The following INTS2 variants were observed in gnomAD, a reference collection of about 807,000 sequenced individuals.
The protein encoded by INTS2 is integrator complex subunit 2, also known as KIAA1287.
Under a neutral mutation model 139.6 loss-of-function variants are expected in INTS2, and 57 were observed. That is an observed-to-expected ratio of 0.41 (90% CI 0.33 to 0.51). The LOEUF (loss-of-function observed/expected upper bound fraction) is 0.51. Among genes scored for constraint, INTS2 ranks in the 20% least tolerant of loss-of-function variants. The pLI, the probability that INTS2 is intolerant of heterozygous loss-of-function variation, is 0.28. For missense variants in INTS2, 1,196 were observed against 1,436.7 expected (o/e 0.83, Z 2.71); for synonymous variants, 473 against 493.4 (o/e 0.96, Z 0.55).
chr17:61,911,800 C>T lies in INTS2; in HGVS notation c.781-107G>A. On this transcript the variant is annotated intron_variant, in intron 6 of 24. Transcript: ENST00000251334. ...GTTTAGAGGAAGAACTCCTACAAAA[C>T]ATAAAAACCCAGAGAGGAAGGTAAC... 1.4e-6 allele frequency: 2 copies of T among 1,425,828 alleles called. 1 individual carries two copies. The highest frequency in any genetic ancestry group is 2.7e-5 in the South Asian group (2 of 73,046). 88.3% of individuals were successfully genotyped at this position (1,425,828 alleles called of 1,614,324 possible).
intron 12 of INTS2, chr17:61,894,308 G>A (rs1467953426): frequency 1.3e-5 from 2 of 153,004 alleles, no homozygotes; most frequent in African/African-American, 2.4e-5. Flanking sequence ...AACATCATAT[G>A]AACTATAAAG....
chr17:61,884,900 C>T lies in INTS2; in HGVS notation c.2089+1G>A, dbSNP rs2079211606. 6.3e-7 allele frequency: 1 copy of T among 1,583,098 alleles called. No individual in the cohort carries two copies. ...GCAGTAAAAAGCAAAATAAAACATA[C>T]CTCCCAACTCCTGCTGCAGCCCTTG... On this transcript the variant is annotated splice_donor_variant, in intron 16 of 24. Transcript: ENST00000251334. LOFTEE classifies it high-confidence loss of function.
At position 61,885,957 on chromosome 17, in the gene INTS2, T is replaced by C. The variant is rs557029807; in HGVS notation, c.1985-952A>G. Among the ~76,000 whole-genome samples, 20 of 150,268 alleles carry C rather than the reference T, an allele frequency of 1.3e-4. No individual in the cohort carries two copies. The South Asian group carries it at 4.2e-3, about 32-fold the overall frequency. ...GTTAGCCAGGATGGTCTCGATCTCCTGACCTCATGATCCACCCGCCTTGGC... is the reference window on the plus strand; with the variant it reads ...GTTAGCCAGGATGGTCTCGATCTCCCGACCTCATGATCCACCCGCCTTGGC... On this transcript the variant is annotated intron_variant, in intron 15 of 24. Transcript: ENST00000251334.
chr17:61,886,427 T>C (rs1021251711), intron 15 of INTS2, among the ~76,000 whole-genome samples: 1 of 152,230 alleles, frequency 6.6e-6, no homozygotes, highest in Non-Finnish European at 1.5e-5. Flanking sequence ...AACCTTTTTT[T>C]CTTCTAAGTC....
rs189120505 is a variant in INTS2, at chr17:61,876,545, C to G, written c.2456+1342G>C. 6.6e-6 allele frequency among the ~76,000 whole-genome samples: 1 copy of G among 151,956 alleles called. No homozygotes were observed. The highest frequency in any genetic ancestry group is 2.4e-5 in the African/African-American group (1 of 41,398). ...CCTCCATCTCCTGGGCTCAAGCGATCGTCCTGCCTCAGCCCACCAAGTAGC... is the reference window on the plus strand; with the variant it reads ...CCTCCATCTCCTGGGCTCAAGCGATGGTCCTGCCTCAGCCCACCAAGTAGC... On this transcript the variant is annotated intron_variant, in intron 18 of 24. Transcript: ENST00000251334. The surrounding 1 kb of genome is among the most constrained non-coding windows in gnomAD (Gnocchi z 4.1).
Position 61,909,828 on chromosome 17 carries a change from T to TGTGTGTAC in INTS2, c.954+1691_954+1692insGTACACAC, listed in dbSNP as rs1567911789. Reference sequence around the variant, plus strand: ...GTGTGTGTGTACATGTGTGTATGTGTGTGTGTGTGTGTGTGTGTGTGTGTG... The same window carrying TGTGTGTAC: ...GTGTGTGTGTACATGTGTGTATGTGTGTGTGTACGTGTGTGTGTGTGTGTGTGTGTGTG... On this transcript the variant is annotated intron_variant, in intron 7 of 24. Transcript: ENST00000251334. The surrounding 1 kb of genome is among the most constrained non-coding windows in gnomAD (Gnocchi z 4.9). Among the ~76,000 whole-genome samples, 47 of 40,648 alleles carry TGTGTGTAC rather than the reference T, an allele frequency of 1.2e-3. No homozygotes were observed. The highest frequency in any genetic ancestry group is 1.9e-3 in the Non-Finnish European group (36 of 19,274). The allele number at this position is 40,648 out of a possible 152,430, so 26.7% of individuals were successfully genotyped here. A position where few individuals can be genotyped will look rare whatever the true frequency, so the allele number is the denominator to read the frequency against.
rs1184517398 is a variant in INTS2 at position 61,897,117 on chromosome 17, T to C, written c.1494+352A>G. Among the ~76,000 whole-genome samples, 1 of 152,176 alleles carries C rather than the reference T, an allele frequency of 6.6e-6. No homozygotes were observed. Among genetic ancestry groups the C allele is most frequent in the Non-Finnish European group, 1.5e-5 (1 of 68,008 alleles). On this transcript the variant is annotated intron_variant, in intron 11 of 24. Transcript: ENST00000251334. This position sits in a 1 kb window ranked among gnomAD's most constrained non-coding sequence, Gnocchi z 4.4. The stretch of plus-strand genomic sequence containing the variant: ...TTAAAAATTATACTGTATTATAATA[T>C]TTATTGATATGAGTAAATGCTCATC...
chr17:61,924,252 T>C (rs566836769), intron 3 of INTS2, among the ~76,000 whole-genome samples: 104 of 152,314 alleles, frequency 6.8e-4, no homozygotes, highest in African/African-American at 2.5e-3. Context: ...CATTCAGTTA[T>C]TGAAAATGTT....
rs2079366098 is a variant in INTS2 at position 61,897,976 on chromosome 17, G to A, written c.1308-237C>T. Among the ~76,000 whole-genome samples, 1 of 152,042 alleles carries A rather than the reference G, an allele frequency of 6.6e-6. No individual in the cohort carries two copies. Among genetic ancestry groups the A allele is most frequent in the South Asian group, 2.1e-4 (1 of 4,828 alleles). On this transcript the variant is annotated intron_variant, in intron 9 of 24. Transcript: ENST00000251334. The surrounding 1 kb of genome is among the most constrained non-coding windows in gnomAD (Gnocchi z 4.4). The stretch of plus-strand genomic sequence containing the variant: ...TCATGGATCCCCTCTCAAAGTCTTA[G>A]TTACTGCCTTCACAGGTTGGAAAGA...
Position 61,872,433 on chromosome 17 carries a change from T to C in INTS2, c.2610A>G (p.Leu870=), listed in dbSNP as rs1261391658. 2.5e-6 allele frequency: 4 copies of C among 1,603,016 alleles called. No homozygotes were observed. In the South Asian group the frequency reaches 3.4e-5, roughly 13 times the overall value. ...HRCPPLMDIT[L]HMLNGYLLAS... ...CAAGAAGATATCCATTCAACATGTG[T>C]AGGGTAATATCCATCAGTGGGGGGC... The change falls in exon 20 of 25, where the codon CTA becomes CTG. Residue 870 remains leucine (L), a synonymous_variant. Coordinates refer to ENST00000251334, the MANE Select transcript of INTS2 (RefSeq NM_001351695.2). The surrounding 1 kb of genome is among the most constrained non-coding windows in gnomAD (Gnocchi z 4.8).
intron 16 of INTS2, among the ~76,000 whole-genome samples, chr17:61,884,243 C>G (rs1326089267): frequency 3.9e-5 from 6 of 152,076 alleles, no homozygotes; most frequent in African/African-American, 7.2e-5. Context: ...GTAATTCCAG[C>G]ACTTTGGGAG....
At position 61,875,006 on chromosome 17, in the gene INTS2, G is replaced by A. The variant is rs1469090651; in HGVS notation, c.2489C>T (p.Pro830Leu). 6.3e-7 allele frequency: 1 copy of A among 1,597,794 alleles called. No homozygotes were observed. The highest frequency in any genetic ancestry group is 1.7e-5 in the Admixed American group (1 of 57,804). ...TTGTTGTCGTACAAACTTTATTGAA[G>A]GCTGAAGTGCATTAACCGTCATTAC... ...LWVMTVNALQ[P>L]SIKFVRQQKY... Residue 830 changes from proline (P) to leucine (L), a missense_variant, in exon 19 of 25, where the codon CCT becomes CTT. Physicochemically the swap from Pro to Leu is moderately conservative, Grantham distance 98. This residue lies in a region of INTS2 where 1,129 missense variants were observed against 1,341.9 expected (regional missense o/e 0.84). Coordinates refer to ENST00000251334, the MANE Select transcript of INTS2 (RefSeq NM_001351695.2). This position sits in a 1 kb window ranked among gnomAD's most constrained non-coding sequence, Gnocchi z 4.6.
Position 61,877,774 on chromosome 17 carries a change from C to G in INTS2, c.2456+113G>C, listed in dbSNP as rs2079138270. 9 of 717,588 alleles carry G rather than the reference C, an allele frequency of 1.3e-5. No individual in the cohort carries two copies. The Admixed American group carries it at 2.2e-4, about 18-fold the overall frequency. The allele number at this position is 717,588 out of a possible 1,614,324, so 44.5% of individuals were successfully genotyped here. A position where few individuals can be genotyped will look rare whatever the true frequency, so the allele number is the denominator to read the frequency against. ...GAAAGGAGATATATTGTCATATAGT[C>G]AACAAATACTGCTATGAGTGGTGAA... is the stretch of plus-strand genomic sequence containing the variant. On this transcript the variant is annotated intron_variant, in intron 18 of 24. Transcript: ENST00000251334.
intron 17 of INTS2, among the ~76,000 whole-genome samples, chr17:61,879,953 C>A (rs2079163037): frequency 6.6e-6 from 1 of 152,192 alleles, no homozygotes; most frequent in Admixed American, 6.5e-5. Flanking sequence ...TTACAGCTCA[C>A]ATTATATATA....
Position 61,869,392 on chromosome 17 carries a change from A to G in INTS2, c.3031-12T>C. Reference sequence around the variant, plus strand: ...TCACATGGATAACCCTATCTCAACAAGAAACGGGAAAAAAGTCAGAAATAA... The same window carrying G: ...TCACATGGATAACCCTATCTCAACAGGAAACGGGAAAAAAGTCAGAAATAA... On this transcript the variant is annotated splice_polypyrimidine_tract_variant and intron_variant, in intron 21 of 24. Coordinates refer to ENST00000251334, the MANE Select transcript of INTS2 (RefSeq NM_001351695.2). This position sits in a 1 kb window ranked among gnomAD's most constrained non-coding sequence, Gnocchi z 5.4. 6.6e-7 allele frequency: 1 copy of G among 1,519,338 alleles called. No homozygotes were observed. Among genetic ancestry groups the G allele is most frequent in the Non-Finnish European group, 9.0e-7 (1 of 1,109,954 alleles). The allele number at this position is 1,519,338 out of a possible 1,614,324, so 94.1% of individuals were successfully genotyped here. A position where few individuals can be genotyped will look rare whatever the true frequency, so the allele number is the denominator to read the frequency against.
intron 5 of INTS2, 118 bp downstream of exon 5, chr17:61,919,282 T>G: frequency 1.7e-6 from 1 of 602,908 alleles, no homozygotes; most frequent in Non-Finnish European, 3.0e-6. Flanking sequence ...ACTAACAAAC[T>G]TTCAAAAGAT....
At position 61,917,937 on chromosome 17, in the gene INTS2, GA is replaced by G. The variant is rs1038079136; in HGVS notation, c.649+1462del. Among the ~76,000 whole-genome samples, 54 of 151,976 alleles carry G rather than the reference GA, an allele frequency of 3.6e-4. No individual in the cohort carries two copies. In the Middle Eastern group the frequency reaches 0.014, roughly 39 times the overall value. ...TGGGGAAAAAAGTATATTTTATAAT[GA>G]AAAAAAGGCTCAATTCATCATAAAG... On this transcript the variant is annotated intron_variant, in intron 5 of 24. Transcript: ENST00000251334.
chr17:61,926,295 T>C, intron 2 of INTS2, 57 bp downstream of exon 2: 2 of 1,373,860 alleles, frequency 1.5e-6, no homozygotes, highest in East Asian at 2.3e-5. Context: ...CTAAAAAATA[T>C]CTGATTCCCT....
chr17:61,903,464 C>T (rs953090058), intron 9 of INTS2, among the ~76,000 whole-genome samples: 4 of 151,682 alleles, frequency 2.6e-5, no homozygotes, highest in African/African-American at 9.7e-5. Context: ...TTTATACTAC[C>T]AGGTATACCT....
Sources: gnomAD v4.1 joint callset for allele counts (sites outside exome capture counted in the v4.1 genomes callset) on GRCh38, gnomAD v4.1.1 for gene constraint, gnomAD v4.1.1 regional missense constraint, Gnocchi (gnomAD v3.1) non-coding constraint, MANE v1.5 for transcripts, NCBI Gene and HGNC (gene_info 2026-07-23, HGNC 2026-07-21) for gene names.